Variants in NFXL1 observed in about 807,000 individuals in gnomAD.
NFXL1 encodes NF-X1-type zinc finger protein NFXL1.
NFXL1 carries 66 observed loss-of-function variants against 123.3 expected under a neutral mutation model. The observed-to-expected ratio is 0.54, with a 90% CI of 0.44 to 0.66. The LOEUF (loss-of-function observed/expected upper bound fraction) is 0.66, where lower values mean the gene tolerates loss of function less well. Among genes scored for constraint, NFXL1 ranks in the 30% least tolerant of loss-of-function variants. The pLI, the probability that NFXL1 is intolerant of heterozygous loss-of-function variation, is 0.00. For synonymous variants in NFXL1, 346 were observed against 360.8 expected (o/e 0.96, Z 0.46); for missense variants, 944 against 1,125.6 (o/e 0.84, Z 2.31).
intron 22 of NFXL1, among the ~76,000 whole-genome samples, chr4:47,849,150 C>A (rs973101878): frequency 5.3e-5 from 8 of 151,956 alleles, no homozygotes; most frequent in African/African-American, 1.9e-4. Flanking sequence ...AAAAAAGCTG[C>A]CAGAACTCGA....
intron 4 of NFXL1, among the ~76,000 whole-genome samples, chr4:47,904,587 C>T (rs1737483931): frequency 6.6e-6 from 1 of 152,200 alleles, no homozygotes; most frequent in Admixed American, 6.5e-5. Flanking sequence ...CATGACCAAA[C>T]TATTTCATCT....
intron 12 of NFXL1, among the ~76,000 whole-genome samples, chr4:47,888,481 CT>C: frequency 6.6e-6 from 1 of 151,972 alleles, no homozygotes; most frequent in South Asian, 2.1e-4. Flanking sequence ...CTTCCACATA[CT>C]TTACATCAAG....
rs1193208618 is a variant in NFXL1 at position 47,878,644 on chromosome 4, C to T, written c.1960G>A (p.Ala654Thr). The T allele has an allele frequency of 1.3e-6, 2 of 1,594,514 alleles. No individual in the cohort carries two copies. The highest frequency in any genetic ancestry group is 4.5e-5 in the East Asian group (2 of 44,246). The change falls in exon 17 of 23, where the codon GCT (alanine) becomes ACT (threonine). Residue 654 changes from alanine (A) to threonine (T), a missense_variant. By Grantham distance (58) the Ala-to-Thr change is moderately conservative. This residue lies in a region of NFXL1 where 301 missense variants were observed against 348.0 expected (regional missense o/e 0.86). Coordinates refer to ENST00000507489, the MANE Select transcript of NFXL1 (RefSeq NM_001278624.2). Reference protein sequence around the residue: ...KHEVSPLPCHAVGPYSCKRVC... With the variant: ...KHEVSPLPCHTVGPYSCKRVC... ...CTTTTACAAGAGTAGGGTCCTACAGCATGGCATGGTAGTGGACTCACCTTA... is the reference window on the plus strand; with the variant it reads ...CTTTTACAAGAGTAGGGTCCTACAGTATGGCATGGTAGTGGACTCACCTTA...
rs1733883492 is a variant in NFXL1 at position 47,847,600 on chromosome 4, A to G, written c.*563T>C. The G allele has an allele frequency of 6.6e-6, 1 of 152,582 alleles. No homozygotes were observed. The allele number at this position is 152,582 out of a possible 1,614,324, so 9.5% of individuals were successfully genotyped here. A position where few individuals can be genotyped will look rare whatever the true frequency, so the allele number is the denominator to read the frequency against. ...CCTGGCATTTGTTGAAAATAACTAT[A>G]TATTCTGAAGAACACGCCCCATGAC... On this transcript the variant is annotated 3_prime_UTR_variant, in exon 23 of 23. Transcript: ENST00000507489.
chr4:47,871,583 G>A (rs1260907737), intron 18 of NFXL1, among the ~76,000 whole-genome samples: 3 of 152,078 alleles, frequency 2.0e-5, no homozygotes, highest in Non-Finnish European at 4.4e-5. Context: ...GCTAAAATTC[G>A]TGGGTGAAAG....
At position 47,879,125 on chromosome 4, in the gene NFXL1, G is replaced by GA. The variant is rs780913651; in HGVS notation, c.1917-9dup. ...TGTTTCCCAAGACATTCCCTACAAG[G>GA]AAAAAATAAAATAAAATGAAAACAT... On this transcript the variant is annotated splice_polypyrimidine_tract_variant and intron_variant, in intron 15 of 22. Transcript: ENST00000507489. The GA allele has an allele frequency of 7.8e-7, 1 of 1,280,946 alleles. No individual in the cohort carries two copies. The highest frequency in any genetic ancestry group is 1.1e-6 in the Non-Finnish European group (1 of 950,058). 79.3% of individuals were successfully genotyped at this position (1,280,946 alleles called of 1,614,324 possible). A position where few individuals can be genotyped will look rare whatever the true frequency, so the allele number is the denominator to read the frequency against.
At chr4:47,852,069 T>C (rs1167208292) in intron 20 of NFXL1, 127 bp from the exon 21 acceptor site, 2 of 556,026 alleles carry the variant, frequency 3.6e-6, no homozygotes, top group African/African-American at 3.9e-5. Flanking sequence ...TATTTAATGA[T>C]GATATAGTTG....
intron 6 of NFXL1, 22 bp downstream of exon 6, chr4:47,899,348 T>C (rs759801460): frequency 4.4e-6 from 7 of 1,579,722 alleles, no homozygotes; most frequent in Non-Finnish European, 6.1e-6. Flanking sequence ...ACAAACAATT[T>C]AAAATGCAAT....
rs1390726620 is a variant in NFXL1 at position 47,886,010 on chromosome 4, A to T, written c.1544-11T>A. ...AGGGATAGCAACTGCCTGAAAAAAA[A>T]GTCTGACAATTAAAAAGTTTCCTTA... On this transcript the variant is annotated splice_polypyrimidine_tract_variant and intron_variant, in intron 12 of 22. Transcript: ENST00000507489. The T allele has an allele frequency of 2.5e-6, 4 of 1,605,866 alleles. No homozygotes were observed. Among genetic ancestry groups the T allele is most frequent in the East Asian group, 2.2e-5 (1 of 44,834 alleles).
intron 17 of NFXL1, 113 bp downstream of exon 17, chr4:47,878,412 C>G (rs1735882567): frequency 2.5e-6 from 2 of 794,688 alleles, no homozygotes; most frequent in Non-Finnish European, 3.9e-6. Flanking sequence ...GGGATGAGGG[C>G]AAAAAAAGAG....
intron 11 of NFXL1, among the ~76,000 whole-genome samples, chr4:47,893,783 T>C (rs1377557366): frequency 6.6e-6 from 1 of 152,018 alleles, no homozygotes; most frequent in East Asian, 1.9e-4. Flanking sequence ...ATGATAAATA[T>C]CAAAAATTAC....
chr4:47,879,157 T>G lies in NFXL1; in HGVS notation c.1917-40A>C, dbSNP rs533502494. 4 of 938,080 alleles carry G rather than the reference T, an allele frequency of 4.3e-6. No individual in the cohort carries two copies. The African/African-American group carries it at 5.2e-5, about 12-fold the overall frequency. The allele number at this position is 938,080 out of a possible 1,614,324, so 58.1% of individuals were successfully genotyped here. Reference sequence around the variant, plus strand: ...TAAAATAAAATGAAAACATTACAAATTATTCAAAAATAATACCTAAAGATG... The same window carrying G: ...TAAAATAAAATGAAAACATTACAAAGTATTCAAAAATAATACCTAAAGATG... On this transcript the variant is annotated intron_variant, in intron 15 of 22. Transcript: ENST00000507489.
intron 10 of NFXL1, among the ~76,000 whole-genome samples, chr4:47,896,204 A>C (rs1171467617): frequency 6.6e-6 from 1 of 152,240 alleles, no homozygotes; most frequent in Non-Finnish European, 1.5e-5. Context: ...AAATAGTGCA[A>C]GAATTACCAA....
chr4:47,913,011 C>CAA (rs574444228), intron 2 of NFXL1, among the ~76,000 whole-genome samples: 49 of 74,452 alleles, frequency 6.6e-4, no homozygotes, highest in Middle Eastern at 7.9e-3. Context: ...GACTCTGTCT[C>CAA]AAAAAAAAAA....
At chr4:47,889,308 G>T (rs1054907926) in intron 12 of NFXL1, among the ~76,000 whole-genome samples, 2 of 152,186 alleles carry the variant, frequency 1.3e-5, no homozygotes, top group Non-Finnish European at 2.9e-5. Context: ...AATCTTTCTA[G>T]TGTTGGTGAG....
At chr4:47,889,044 T>C (rs879692090) in intron 12 of NFXL1, among the ~76,000 whole-genome samples, 8 of 152,224 alleles carry the variant, frequency 5.3e-5, no homozygotes, top group Non-Finnish European at 1.2e-4. Context: ...CCAGTAAGTA[T>C]GATATTTGCT....
intron 22 of NFXL1, among the ~76,000 whole-genome samples, 198 bp downstream of exon 22, chr4:47,850,897 T>C (rs1734079190): frequency 1.3e-5 from 2 of 152,060 alleles, no homozygotes; most frequent in Admixed American, 6.6e-5. Flanking sequence ...TGGGAATATA[T>C]GAGATCTCAT....
chr4:47,851,158 C>T lies in NFXL1; in HGVS notation c.2509-10G>A. The T allele has an allele frequency of 1.3e-6, 2 of 1,599,882 alleles. No homozygotes were observed. Among genetic ancestry groups the T allele is most frequent in the Non-Finnish European group, 8.6e-7 (1 of 1,167,946 alleles). On this transcript the variant is annotated splice_polypyrimidine_tract_variant and intron_variant, in intron 21 of 22. Transcript: ENST00000507489. ...CTTCTGCTTCTTTTATCTGTTTATACACATACAAAAGTCAATTTACAATTT... is the reference window on the plus strand; with the variant it reads ...CTTCTGCTTCTTTTATCTGTTTATATACATACAAAAGTCAATTTACAATTT...
At chr4:47,886,375 C>CA (rs1450167645) in intron 12 of NFXL1, among the ~76,000 whole-genome samples, 2 of 145,700 alleles carry the variant, frequency 1.4e-5, no homozygotes, top group East Asian at 3.9e-4. Context: ...ATACTTTTCT[C>CA]TTTTTTTTTT....
Sources: allele counts gnomAD v4.1 joint callset (sites outside exome capture counted in the v4.1 genomes callset), GRCh38; gene constraint gnomAD v4.1.1; regional missense constraint gnomAD v4.1.1; transcripts MANE v1.5; gene names NCBI Gene and HGNC (gene_info 2026-07-23, HGNC 2026-07-21).